CHODL: variants seen among roughly 807,000 people sequenced by gnomAD.
CHODL encodes chondrolectin.
Under a neutral mutation model 34.5 loss-of-function variants are expected in CHODL, and 29 were observed. The ratio of observed to expected loss-of-function variants is 0.84; its 90% confidence interval spans 0.63 to 1.15. CHODL has a LOEUF of 1.15. Among genes scored for constraint, CHODL ranks in the 50% most tolerant of loss-of-function variants. The pLI is 0.00. For missense variants in CHODL, 332 were observed against 332.5 expected (o/e 1.00, Z 0.01); for synonymous variants, 125 against 116.1 (o/e 1.08, Z -0.49).
At chr21:18,041,640 AT>A (rs1240954444) in intron 2 of CHODL, among the ~76,000 whole-genome samples, 5 of 151,934 alleles carry the variant, frequency 3.3e-5, no homozygotes, top group Admixed American at 6.6e-5. Flanking sequence ...ATGATAGAAA[AT>A]TTAACTGAGA....
At chr21:18,112,147 C>A (rs1014400068) in intron 2 of CHODL, among the ~76,000 whole-genome samples, 1 of 151,890 alleles carries the variant, frequency 6.6e-6, no homozygotes, top group Non-Finnish European at 1.5e-5. Flanking sequence ...AATTGCTAGT[C>A]GAGGTATGTG....
At chr21:17,989,102 G>A (rs549074191) in intron 1 of CHODL, among the ~76,000 whole-genome samples, 8 of 152,274 alleles carry the variant, frequency 5.3e-5, no homozygotes, top group African/African-American at 1.9e-4. Context: ...AAATAAAATA[G>A]TGTAAATGGG....
At chr21:18,028,698 TAAAAAAAAAAA>T (rs34588468) in intron 2 of CHODL, among the ~76,000 whole-genome samples, 6 of 85,248 alleles carry the variant, frequency 7.0e-5, no homozygotes, top group Non-Finnish European at 1.3e-4. Context: ...AAACTCCATC[TAAAAAAAAAAA>T]AAAAAAAAAA....
rs2073853482 is a variant in CHODL, at chr21:18,218,601, G to T, written c.-44-37908G>T. On this transcript the variant is annotated intron_variant, in intron 2 of 6. Transcript: ENST00000400127. ...TAACATTGGGCTCCTCATTACTTAT[G>T]CAAATTTCTGCAGTCAGCTTGAATT... Among the ~76,000 whole-genome samples, 3 of 152,160 alleles carry T rather than the reference G, an allele frequency of 2.0e-5. No homozygotes were observed. The South Asian group carries it at 6.2e-4, about 32-fold the overall frequency.
At chr21:18,245,880 C>T (rs2074134703) in intron 1 of CHODL, 1 of 1,533,896 alleles carries the variant, frequency 6.5e-7, no homozygotes, top group Non-Finnish European at 8.7e-7. Context: ...CCTTTGCACA[C>T]TGCGTTCCAA....
chr21:18,113,951 T>G (rs1303679538), intron 2 of CHODL, among the ~76,000 whole-genome samples: 1 of 152,180 alleles, frequency 6.6e-6, no homozygotes, highest in African/African-American at 2.4e-5. Context: ...AATAGAATAC[T>G]GTTCAGCCAT....
intron 2 of CHODL, among the ~76,000 whole-genome samples, chr21:18,032,329 C>A (rs1423995332): frequency 6.6e-6 from 1 of 151,930 alleles, no homozygotes; most frequent in Non-Finnish European, 1.5e-5. Flanking sequence ...TAAATGTATA[C>A]AATTTTTATG....
intron 2 of CHODL, among the ~76,000 whole-genome samples, chr21:18,173,700 C>G (rs2073258842): frequency 6.6e-6 from 1 of 151,980 alleles, no homozygotes; most frequent in Admixed American, 6.6e-5. Context: ...CTACATTGGT[C>G]TTCTTCCAAT....
At chr21:18,246,018 A>G (rs1232681155) in intron 1 of CHODL, 2 of 1,281,648 alleles carry the variant, frequency 1.6e-6, no homozygotes, top group Admixed American at 4.0e-5. Flanking sequence ...AAATCGATCA[A>G]AATTGGCAAG....
chr21:18,265,761 T>TATCA (rs1484390146), intron 5 of CHODL, among the ~76,000 whole-genome samples, 193 bp from the exon 6 acceptor site: 1 of 152,204 alleles, frequency 6.6e-6, no homozygotes, highest in East Asian at 1.9e-4. Flanking sequence ...TTGTTTTCTC[T>TATCA]ATCATTCACA....
In CHODL at chr21:18,262,901, A is replaced by G; in HGVS notation, c.737+8A>G. The stretch of plus-strand genomic sequence containing the variant: ...CCAGATGCTGCATAAAAGGTAAATA[A>G]CTCATATATGTAGAGACAATTTGAA... On this transcript the variant is annotated splice_region_variant and intron_variant, in intron 5 of 5. Coordinates refer to ENST00000299295, the MANE Select transcript of CHODL (RefSeq NM_024944.3). 2.0e-6 allele frequency: 3 copies of G among 1,494,412 alleles called. No individual in the cohort carries two copies. Among genetic ancestry groups the G allele is most frequent in the Non-Finnish European group, 2.8e-6 (3 of 1,071,976 alleles). 92.6% of individuals were successfully genotyped at this position (1,494,412 alleles called of 1,614,324 possible).
At chr21:17,971,186 A>G (rs1366864053) in intron 1 of CHODL, among the ~76,000 whole-genome samples, 2 of 152,226 alleles carry the variant, frequency 1.3e-5, no homozygotes, top group African/African-American at 4.8e-5. Context: ...CAGTGCTGCA[A>G]TAAACATACG....
intron 1 of CHODL, among the ~76,000 whole-genome samples, chr21:18,248,622 A>AAT (rs200337224): frequency 0.025 from 2,934 of 118,482 alleles, 141 homozygotes; most frequent in African/African-American, 0.1. Context: ...ATACATATAT[A>AAT]ATATATATAA....
intron 1 of CHODL, among the ~76,000 whole-genome samples, chr21:17,950,195 A>C (rs967958837): frequency 2.0e-5 from 3 of 152,088 alleles, no homozygotes. Context: ...GGCACAAATG[A>C]CATACATTAT....
intron 2 of CHODL, among the ~76,000 whole-genome samples, chr21:18,140,147 C>T (rs1348736440): frequency 6.6e-6 from 1 of 152,032 alleles, no homozygotes; most frequent in East Asian, 1.9e-4. Flanking sequence ...TTTTGGAGTC[C>T]ACTCCCTGAG....
At chr21:18,136,610 AGT>A (rs1601053296) in intron 2 of CHODL, among the ~76,000 whole-genome samples, 2 of 151,224 alleles carry the variant, frequency 1.3e-5, no homozygotes, top group East Asian at 3.9e-4. Context: ...ATCCTGTGGG[AGT>A]GTGTGTGTGC....
chr21:18,249,013 AT>A (rs2074197116), intron 1 of CHODL, among the ~76,000 whole-genome samples: 1 of 112,468 alleles, frequency 8.9e-6, no homozygotes, highest in African/African-American at 3.8e-5. Context: ...TATATAATAT[AT>A]ATTATACATA....
chr21:18,175,358 C>A (rs1407941026), intron 2 of CHODL, among the ~76,000 whole-genome samples: 1 of 152,004 alleles, frequency 6.6e-6, no homozygotes, highest in East Asian at 1.9e-4. Context: ...CTTTGGGAGA[C>A]CAAGGTGGAT....
chr21:18,028,986 T>G (rs986616760), intron 2 of CHODL, among the ~76,000 whole-genome samples: 1 of 152,178 alleles, frequency 6.6e-6, no homozygotes, highest in African/African-American at 2.4e-5. Flanking sequence ...GGTTTAGAAT[T>G]GCACATGAAA....
Sources: allele counts gnomAD v4.1 joint callset (sites outside exome capture counted in the v4.1 genomes callset), GRCh38; gene constraint gnomAD v4.1.1; transcripts MANE v1.5; gene names NCBI Gene and HGNC (gene_info 2026-07-23, HGNC 2026-07-21).